RAPGEF4: variants seen among roughly 807,000 people sequenced by gnomAD.
The protein encoded by RAPGEF4 is RAP guanine-nucleotide-exchange factor (GEF) 4.
Under a neutral mutation model 147.9 loss-of-function variants are expected in RAPGEF4, and 66 were observed. The ratio of observed to expected loss-of-function variants is 0.45; its 90% CI spans 0.37 to 0.55. The LOEUF is 0.55. Ranked by LOEUF, RAPGEF4 falls within the 20% of genes least tolerant of loss-of-function variation. The probability of loss-of-function intolerance (pLI) is 0.00; values close to 1 mark genes in which losing one functional copy is unlikely to be tolerated. For synonymous variants in RAPGEF4, 419 were observed against 442.7 expected (o/e 0.95, Z 0.67); for missense variants, 1,071 against 1,257.3 (o/e 0.85, Z 2.24).
intron 29 of RAPGEF4, among the ~76,000 whole-genome samples, chr2:173,037,576 G>A (rs927388678): frequency 8.5e-5 from 13 of 152,206 alleles, no homozygotes; most frequent in African/African-American, 3.1e-4. Context: ...TAGCTGCATA[G>A]TGCATGCTGA....
intron 6 of RAPGEF4, among the ~76,000 whole-genome samples, chr2:172,956,631 G>T (rs918617312): frequency 3.9e-5 from 6 of 151,916 alleles, no homozygotes. Context: ...CACCACGCCC[G>T]GCTAATTTTT....
At chr2:172,903,810 A>G (rs1220275096) in intron 4 of RAPGEF4, among the ~76,000 whole-genome samples, 3 of 152,196 alleles carry the variant, frequency 2.0e-5, no homozygotes, top group African/African-American at 7.2e-5. Flanking sequence ...TGAGAAATGC[A>G]AAGTGCCTCT....
Position 172,983,542 on chromosome 2 carries a change from C to G in RAPGEF4, c.1051C>G (p.Leu351Val), listed in dbSNP as rs1323787143. 12 of 1,613,134 alleles carry G rather than the reference C, an allele frequency of 7.4e-6. No homozygotes were observed. Among genetic ancestry groups the G allele is most frequent in the African/African-American group, 1.3e-5 (1 of 74,730 alleles). ...TGACCTAGAGATTATCTATGAGGAGCTTCTTCATATTAAAGCCTTATCCCA... is the reference window on the plus strand; with the variant it reads ...TGACCTAGAGATTATCTATGAGGAGGTTCTTCATATTAAAGCCTTATCCCA... ...VDDLEIIYEE[L>V]LHIKALSHLS... The change falls in exon 11 of 31, where the codon CTT (leucine) becomes GTT (valine). Residue 351 changes from leucine to valine, a missense_variant. Physicochemically the swap from Leu to Val is conservative, Grantham distance 32 (BLOSUM62 1). Transcript: ENST00000397081.
At chr2:173,024,210 T>C (rs1696409716) in intron 23 of RAPGEF4, among the ~76,000 whole-genome samples, 1 of 46,914 alleles carries the variant, frequency 2.1e-5, no homozygotes, top group Non-Finnish European at 5.9e-5. Flanking sequence ...GCACTTCTTT[T>C]TTTTATTATT....
chr2:173,021,713 T>C (rs761380310), intron 23 of RAPGEF4, among the ~76,000 whole-genome samples: 8 of 152,222 alleles, frequency 5.3e-5, no homozygotes, highest in East Asian at 1.9e-4. Flanking sequence ...TCAGCTCTTA[T>C]AGATATCAAG....
intron 4 of RAPGEF4, among the ~76,000 whole-genome samples, chr2:172,843,337 CA>C (rs1691824629): frequency 6.6e-6 from 1 of 152,132 alleles, no homozygotes; most frequent in Admixed American, 6.5e-5. Flanking sequence ...AAGAGATGGG[CA>C]GTAGTTTTCC....
chr2:173,011,444 A>G (rs1695016134), intron 17 of RAPGEF4, among the ~76,000 whole-genome samples: 1 of 151,934 alleles, frequency 6.6e-6, no homozygotes, highest in Admixed American at 6.6e-5. Flanking sequence ...TTTCCTCCTC[A>G]GGTTTGTAGA....
intron 3 of RAPGEF4, among the ~76,000 whole-genome samples, chr2:172,803,722 AC>A (rs1403817071): frequency 6.6e-6 from 1 of 152,164 alleles, no homozygotes; most frequent in African/African-American, 2.4e-5. Flanking sequence ...AATTTTCCAA[AC>A]TTTTATGCTC....
At chr2:172,861,646 G>A (rs112140112) in intron 4 of RAPGEF4, among the ~76,000 whole-genome samples, 2 of 152,212 alleles carry the variant, frequency 1.3e-5, no homozygotes, top group African/African-American at 4.8e-5. Context: ...CTAATTAGAG[G>A]AATATGTCTG....
intron 10 of RAPGEF4, among the ~76,000 whole-genome samples, chr2:172,969,036 G>C (rs915607692): frequency 1.3e-5 from 2 of 152,218 alleles, no homozygotes; most frequent in Non-Finnish European, 2.9e-5. Flanking sequence ...CAAAGCACAG[G>C]AGGGGGCCCA....
intron 4 of RAPGEF4, among the ~76,000 whole-genome samples, chr2:172,844,793 A>C (rs1035690727): frequency 6.6e-6 from 1 of 152,220 alleles, no homozygotes; most frequent in African/African-American, 2.4e-5. Flanking sequence ...AGTTCATTCA[A>C]TAGCAGACAT....
At chr2:172,787,485 A>C (rs1685326802) in intron 1 of RAPGEF4, among the ~76,000 whole-genome samples, 2 of 152,138 alleles carry the variant, frequency 1.3e-5, no homozygotes, top group Admixed American at 6.5e-5. Flanking sequence ...AGAAAAAAAC[A>C]AAACAGGAAT....
At chr2:173,039,196 G>A (rs533218858) in intron 29 of RAPGEF4, among the ~76,000 whole-genome samples, 2 of 152,060 alleles carry the variant, frequency 1.3e-5, no homozygotes, top group South Asian at 4.2e-4. Context: ...GGTGGCTCAC[G>A]CCTGTAATCC....
chr2:173,015,117 A>G (rs967065510), intron 18 of RAPGEF4, among the ~76,000 whole-genome samples: 1 of 152,158 alleles, frequency 6.6e-6, no homozygotes, highest in Non-Finnish European at 1.5e-5. Flanking sequence ...TGTGCAAGTG[A>G]TTCTGTCCTT....
intron 4 of RAPGEF4, among the ~76,000 whole-genome samples, chr2:172,915,064 A>G (rs532134991): frequency 7.5e-4 from 115 of 152,348 alleles, no homozygotes; most frequent in African/African-American, 2.7e-3. Flanking sequence ...AGGGTGCTAC[A>G]TAAGAATGAA....
intron 1 of RAPGEF4, among the ~76,000 whole-genome samples, chr2:172,747,167 C>T (rs79036167): frequency 0.015 from 2,246 of 152,292 alleles, 55 homozygotes; most frequent in African/African-American, 0.05. Flanking sequence ...AGCGTTAGAA[C>T]AGCCTTATTC....
intron 1 of RAPGEF4, among the ~76,000 whole-genome samples, chr2:172,771,950 C>T (rs377700088): frequency 6.6e-6 from 1 of 152,160 alleles, no homozygotes; most frequent in Non-Finnish European, 1.5e-5. Context: ...AAAGTAATAA[C>T]TGTTGGCTGG....
intron 18 of RAPGEF4, 90 bp downstream of exon 18, chr2:173,014,704 G>A (rs1419258502): frequency 2.6e-5 from 32 of 1,232,736 alleles, no homozygotes; most frequent in Middle Eastern, 5.4e-4. Context: ...TGGAGAGACC[G>A]TAATTGCAAA....
chr2:173,024,835 G>A (rs926159724), intron 23 of RAPGEF4, among the ~76,000 whole-genome samples: 1 of 152,150 alleles, frequency 6.6e-6, no homozygotes, highest in Non-Finnish European at 1.5e-5. Context: ...GCTACTAACT[G>A]TTCACACTGT....
Sources: allele counts gnomAD v4.1 joint callset (sites outside exome capture counted in the v4.1 genomes callset), GRCh38; gene constraint gnomAD v4.1.1; transcripts MANE v1.5; gene names NCBI Gene and HGNC (gene_info 2026-07-23, HGNC 2026-07-21).